Variants in NCKAP5 observed in about 807,000 individuals in gnomAD.
The protein encoded by NCKAP5 is nck-associated protein 5.
Under a neutral mutation model 167.0 loss-of-function variants are expected in NCKAP5, and 92 were observed. The ratio of observed to expected loss-of-function variants is 0.55; its 90% confidence interval spans 0.47 to 0.66. NCKAP5 has a LOEUF of 0.66. Among genes scored for constraint, NCKAP5 ranks in the 30% least tolerant of loss-of-function variants. NCKAP5 has a pLI of 0.00. For missense variants in NCKAP5, 2,378 were observed against 2,315.0 expected, an observed-to-expected ratio of 1.03 and a Z score of -0.56; for synonymous variants, 891 against 877.4, an observed-to-expected ratio of 1.02 and a Z score of -0.27.
In NCKAP5 at chr2:133,378,052, C is replaced by A. The variant is rs529256296; in HGVS notation, c.70-74942G>T. ...CGGCTTTTTGGAAGATTAGACAATC[C>A]CCATAAAAAGATACCTTAATAGCTA... On this transcript the variant is annotated intron_variant, in intron 3 of 19. Transcript: ENST00000409261. Among the ~76,000 whole-genome samples, 32 of 152,010 alleles carry A rather than the reference C, an allele frequency of 2.1e-4. No homozygotes were observed. In the South Asian group the frequency reaches 6.5e-3, roughly 31 times the overall value.
chr2:133,262,761 A>G (rs1173961758), intron 4 of NCKAP5, among the ~76,000 whole-genome samples: 1 of 152,240 alleles, frequency 6.6e-6, no homozygotes, highest in African/African-American at 2.4e-5. Flanking sequence ...AACGTTTTAA[A>G]GGAACAAGGT....
At chr2:133,259,871 T>C (rs909902752) in intron 4 of NCKAP5, among the ~76,000 whole-genome samples, 3 of 152,236 alleles carry the variant, frequency 2.0e-5, no homozygotes, top group Admixed American at 2.0e-4. Context: ...ACGTGTCTTC[T>C]ATTCAACACA....
At chr2:133,150,101 T>C (rs1409843096) in intron 5 of NCKAP5, among the ~76,000 whole-genome samples, 2 of 152,310 alleles carry the variant, frequency 1.3e-5, no homozygotes, top group Non-Finnish European at 2.9e-5. Flanking sequence ...AATACTGCAG[T>C]ATCCCCTTAC....
At chr2:132,802,770 A>T (rs142642365) in intron 11 of NCKAP5, among the ~76,000 whole-genome samples, 155 of 152,336 alleles carry the variant, frequency 1.0e-3, no homozygotes, top group African/African-American at 3.5e-3. Flanking sequence ...TTGGAGCCTG[A>T]TGAAAACAAT....
intron 3 of NCKAP5, among the ~76,000 whole-genome samples, chr2:133,403,657 C>A (rs1399311306): frequency 6.6e-6 from 1 of 152,120 alleles, no homozygotes. Context: ...TTACTGTGGC[C>A]CTTCCTGTCA....
At chr2:133,321,774 C>T (rs1216655652) in intron 3 of NCKAP5, among the ~76,000 whole-genome samples, 2 of 152,136 alleles carry the variant, frequency 1.3e-5, no homozygotes, top group African/African-American at 2.4e-5. Flanking sequence ...CTCAATAACC[C>T]AATATTCCCT....
At position 132,785,524 on chromosome 2, in the gene NCKAP5, G is replaced by A; in HGVS notation, c.1287C>T (p.Cys429=). 1 of 1,609,982 alleles carries A rather than the reference G, an allele frequency of 6.2e-7. No individual in the cohort carries two copies. Among genetic ancestry groups the A allele is most frequent in the Non-Finnish European group, 8.5e-7 (1 of 1,177,914 alleles). ...SVITKWGYKD[C]MNSNEGIYSP... is the part of the protein sequence containing the mutation. Reference sequence around the variant, plus strand: ...AATATATTCCTTCATTCGAGTTCATGCAATCTTTATAACCCCATTTGGTTA... The same window carrying A: ...AATATATTCCTTCATTCGAGTTCATACAATCTTTATAACCCCATTTGGTTA... The change falls in exon 14 of 20, where the codon TGC becomes TGT. Residue 429 remains cysteine, a synonymous_variant. Coordinates refer to ENST00000409261, the MANE Select transcript of NCKAP5 (RefSeq NM_207363.3).
chr2:133,468,890 G>T (rs1382610569), intron 3 of NCKAP5, among the ~76,000 whole-genome samples: 4 of 151,956 alleles, frequency 2.6e-5, no homozygotes, highest in African/African-American at 7.3e-5. Context: ...CTTAGATTTT[G>T]AGCCTATGTG....
the NCKAP5 span, among the ~76,000 whole-genome samples, chr2:133,651,128 T>C: frequency 6.6e-6 from 1 of 152,164 alleles, no homozygotes; most frequent in Non-Finnish European, 1.5e-5. Context: ...TGATTTCATA[T>C]GATACCAAAA....
intron 19 of NCKAP5, among the ~76,000 whole-genome samples, chr2:132,683,174 G>A (rs536331198): frequency 5.9e-5 from 9 of 152,044 alleles, no homozygotes; most frequent in Non-Finnish European, 7.4e-5. Context: ...GTGAACCACC[G>A]CACATAAAGA....
At position 132,773,846 on chromosome 2, in the gene NCKAP5, C is replaced by G. The variant is rs1682306809; in HGVS notation, c.5098G>C (p.Ala1700Pro). The G allele has an allele frequency of 2.5e-6, 4 of 1,611,264 alleles. No homozygotes were observed. Among genetic ancestry groups the G allele is most frequent in the Non-Finnish European group, 3.4e-6 (4 of 1,178,990 alleles). The part of the protein sequence containing the change: ...NLQEDEDDAV[A>P]DSVFQSHIIE... ...ATGTGGCTCTGAAATACAGAATCTG[C>G]AACTGCATCGTCTTCATCCTCTTGC... The change falls in exon 16 of 20, where the codon GCA (alanine) becomes CCA (proline). Residue 1700 changes from alanine (A) to proline (P), a missense_variant. Ala to Pro is a conservative substitution (Grantham distance 27). Coordinates refer to ENST00000409261, the MANE Select transcript of NCKAP5 (RefSeq NM_207363.3).
rs972278950 is a variant in NCKAP5 at position 133,488,426 on chromosome 2, G to A, written c.69+29032C>T. Among the ~76,000 whole-genome samples the A allele has an allele frequency of 1.1e-4, 16 of 152,246 alleles. 1 individual carries two copies. The South Asian group carries it at 3.1e-3, about 30-fold the overall frequency. On this transcript the variant is annotated intron_variant, in intron 3 of 19. Coordinates refer to ENST00000409261, the MANE Select transcript of NCKAP5 (RefSeq NM_207363.3). The stretch of plus-strand genomic sequence containing the variant: ...AAATCAGCCTTAAATCCCTAATGTA[G>A]ACCAATTAGTGAGTAAATCTCAACA...
At chr2:133,416,837 C>T (rs1163592084) in intron 3 of NCKAP5, among the ~76,000 whole-genome samples, 1 of 152,074 alleles carries the variant, frequency 6.6e-6, no homozygotes, top group Admixed American at 6.5e-5. Context: ...CTGGAGAAAA[C>T]TCTAGTTCCA....
chr2:133,452,283 T>A (rs370198183), intron 3 of NCKAP5, among the ~76,000 whole-genome samples: 1 of 152,122 alleles, frequency 6.6e-6, no homozygotes, highest in Non-Finnish European at 1.5e-5. Context: ...GACCAAAGCA[T>A]TAAATGCAGC....
chr2:132,916,290 T>A (rs1407265686), intron 8 of NCKAP5, among the ~76,000 whole-genome samples: 1 of 152,056 alleles, frequency 6.6e-6, no homozygotes, highest in Non-Finnish European at 1.5e-5. Flanking sequence ...TGATCGAATG[T>A]GACAGAGGGC....
intron 3 of NCKAP5, among the ~76,000 whole-genome samples, chr2:133,402,537 C>T (rs1173577163): frequency 1.3e-5 from 2 of 152,096 alleles, no homozygotes; most frequent in African/African-American, 4.8e-5. Flanking sequence ...AATGTGACCT[C>T]CAATGTTGGA....
the NCKAP5 span, among the ~76,000 whole-genome samples, chr2:133,636,287 G>A: frequency 6.6e-6 from 1 of 152,180 alleles, no homozygotes; most frequent in Non-Finnish European, 1.5e-5. Flanking sequence ...CATTGTTCAA[G>A]AGGCATGTTT....
chr2:132,739,078 T>C (rs1435010424), intron 16 of NCKAP5, among the ~76,000 whole-genome samples: 1 of 152,180 alleles, frequency 6.6e-6, no homozygotes, highest in African/African-American at 2.4e-5. Flanking sequence ...TATAAATAGC[T>C]GCAAAGAAAA....
At chr2:133,527,254 AG>A (rs1312029793) in intron 2 of NCKAP5, 1 of 152,274 alleles carries the variant, frequency 6.6e-6, no homozygotes, top group East Asian at 1.9e-4. Context: ...ATCCAGCAAA[AG>A]GTTTAACTAT....
Sources: gnomAD v4.1 joint callset for allele counts (sites outside exome capture counted in the v4.1 genomes callset) on GRCh38, gnomAD v4.1.1 for gene constraint, MANE v1.5 for transcripts, NCBI Gene and HGNC (gene_info 2026-07-23, HGNC 2026-07-21) for gene names.